ADAM10: variants seen among roughly 807,000 people sequenced by gnomAD.
ADAM10 encodes the protein disintegrin and metalloproteinase domain-containing protein 10.
ADAM10 carries 17 observed loss-of-function variants against 90.1 expected under a neutral mutation model. The observed-to-expected ratio is 0.19, with a 90% CI of 0.13 to 0.28. ADAM10 has a LOEUF of 0.28. Among genes scored for constraint, ADAM10 ranks in the 10% least tolerant of loss-of-function variants. The probability of loss-of-function intolerance (pLI) is 1.00; values close to 1 mark genes in which losing one functional copy is unlikely to be tolerated. For synonymous variants in ADAM10, 310 were observed against 298.6 expected, an observed-to-expected ratio of 1.04 and a Z score of -0.40; for missense variants, 610 against 914.3, an observed-to-expected ratio of 0.67 and a Z score of 4.29.
At chr15:58,689,444 C>T (rs535116246) in intron 2 of ADAM10, among the ~76,000 whole-genome samples, 1 of 152,246 alleles carries the variant, frequency 6.6e-6, no homozygotes, top group South Asian at 2.1e-4. Context: ...TGAGATCATG[C>T]CACTGCACTC....
intron 1 of ADAM10, among the ~76,000 whole-genome samples, chr15:58,740,393 C>A (rs959898487): frequency 6.7e-6 from 1 of 148,672 alleles, no homozygotes; most frequent in Admixed American, 6.7e-5. Context: ...TGGGCATCAG[C>A]GCGAGACTCT....
At chr15:58,702,105 CA>C (rs1196874797) in intron 2 of ADAM10, among the ~76,000 whole-genome samples, 2 of 150,212 alleles carry the variant, frequency 1.3e-5, no homozygotes, top group East Asian at 1.9e-4. Flanking sequence ...GATTCTGTCT[CA>C]AAAAAAAGAA....
In ADAM10 at chr15:58,610,073, A is replaced by C. The variant is rs1312504696; in HGVS notation, c.2025+224T>G. 9 of 569,926 alleles carry C rather than the reference A, an allele frequency of 1.6e-5. No homozygotes were observed. The East Asian group carries it at 2.7e-4, about 17-fold the overall frequency. 35.3% of individuals were successfully genotyped at this position (569,926 alleles called of 1,614,324 possible). A position where few individuals can be genotyped will look rare whatever the true frequency, so the allele number is the denominator to read the frequency against. ...TGAACTAAGGAGCACGGTAAAACAGAATGACTCCCATCACCTACTAAGCAA... is the reference window on the plus strand; with the variant it reads ...TGAACTAAGGAGCACGGTAAAACAGCATGACTCCCATCACCTACTAAGCAA... On this transcript the variant is annotated intron_variant, in intron 14 of 15. Coordinates refer to ENST00000260408, the MANE Select transcript of ADAM10 (RefSeq NM_001110.4).
rs1395491481 is a variant in ADAM10, at chr15:58,590,620, AAACT to A, written c.*6923_*6926del. The A allele has an allele frequency of 6.6e-6, 1 of 152,366 alleles. No homozygotes were observed. The highest frequency in any genetic ancestry group is 2.4e-5 in the African/African-American group (1 of 41,594). 9.4% of individuals were successfully genotyped at this position (152,366 alleles called of 1,614,324 possible). Reference sequence around the variant, plus strand: ...ACTAGCAGATACTTAAGAAAAATGAAAACTAACCACAATCACAAAACTAAATAAT... The same window carrying A: ...ACTAGCAGATACTTAAGAAAAATGAAAACCACAATCACAAAACTAAATAAT... On this transcript the variant is annotated 3_prime_UTR_variant, in exon 16 of 16. Coordinates refer to ENST00000260408, the MANE Select transcript of ADAM10 (RefSeq NM_001110.4).
intron 1 of ADAM10, among the ~76,000 whole-genome samples, chr15:58,725,620 G>A (rs752814596): frequency 6.6e-6 from 1 of 150,842 alleles, no homozygotes; most frequent in Middle Eastern, 3.2e-3. Flanking sequence ...TAAAAACTAG[G>A]GAGAAAAAAA....
At chr15:58,709,525 G>T (rs564744709) in intron 2 of ADAM10, among the ~76,000 whole-genome samples, 125 of 152,194 alleles carry the variant, frequency 8.2e-4, no homozygotes, top group African/African-American at 2.8e-3. Flanking sequence ...GATCATCTGA[G>T]GTCAGGAGTT....
chr15:58,677,275 G>C (rs1897320867), intron 4 of ADAM10, among the ~76,000 whole-genome samples: 1 of 151,974 alleles, frequency 6.6e-6, no homozygotes, highest in Non-Finnish European at 1.5e-5. Flanking sequence ...ATAATAAAAA[G>C]AATGTTAAAA....
chr15:58,618,655 A>C (rs573683108), intron 11 of ADAM10, among the ~76,000 whole-genome samples: 60 of 152,326 alleles, frequency 3.9e-4, no homozygotes, highest in African/African-American at 1.3e-3. Context: ...AACTCAACTC[A>C]ACAGCAAAAA....
chr15:58,703,172 T>C (rs1898178782), intron 2 of ADAM10, among the ~76,000 whole-genome samples: 1 of 151,900 alleles, frequency 6.6e-6, no homozygotes, highest in Non-Finnish European at 1.5e-5. Flanking sequence ...AATAAAAAGC[T>C]ATCTGAAAAC....
chr15:58,748,666 G>A (rs1181714907), intron 1 of ADAM10: 1 of 351,728 alleles, frequency 2.8e-6, no homozygotes, highest in Non-Finnish European at 5.1e-6. Context: ...GGTCACCCAG[G>A]GACCGAACTT....
intron 2 of ADAM10, among the ~76,000 whole-genome samples, chr15:58,684,697 T>C (rs533829991): frequency 2.0e-5 from 3 of 152,336 alleles, no homozygotes; most frequent in Non-Finnish European, 4.4e-5. Context: ...TAAACTGTTT[T>C]CCTGAGTTCT....
At chr15:58,653,124 T>C (rs1043348260) in intron 5 of ADAM10, among the ~76,000 whole-genome samples, 1 of 152,166 alleles carries the variant, frequency 6.6e-6, no homozygotes, top group African/African-American at 2.4e-5. Context: ...TGGTGGAGTC[T>C]ATGGGTTTTT....
chr15:58,679,505 A>G (rs1313616815), intron 3 of ADAM10, among the ~76,000 whole-genome samples: 3 of 152,236 alleles, frequency 2.0e-5, no homozygotes, highest in Non-Finnish European at 4.4e-5. Flanking sequence ...GTTAAAATAT[A>G]TACAATTACT....
chr15:58,686,171 G>A (rs1897596315), intron 2 of ADAM10, among the ~76,000 whole-genome samples: 1 of 152,146 alleles, frequency 6.6e-6, no homozygotes, highest in Non-Finnish European at 1.5e-5. Flanking sequence ...ACAAAGGTGG[G>A]CCCAAAAACA....
intron 2 of ADAM10, among the ~76,000 whole-genome samples, chr15:58,682,957 TA>T (rs1231665258): frequency 1.3e-5 from 2 of 152,120 alleles, no homozygotes; most frequent in Admixed American, 6.5e-5. Context: ...TAAAATTAAT[TA>T]AAGATATGAC....
At chr15:58,692,792 C>T in intron 2 of ADAM10, 2 of 625,180 alleles carry the variant, frequency 3.2e-6, no homozygotes, top group Non-Finnish European at 6.2e-6. Flanking sequence ...ACCAGGTAGG[C>T]AGAATAAAAG....
chr15:58,721,362 T>C (rs1181752726), intron 1 of ADAM10, among the ~76,000 whole-genome samples: 1 of 152,252 alleles, frequency 6.6e-6, no homozygotes, highest in East Asian at 1.9e-4. Context: ...TATCATCTTC[T>C]ATATAAGACC....
chr15:58,690,931 C>G (rs1897763173), intron 2 of ADAM10, among the ~76,000 whole-genome samples: 1 of 152,318 alleles, frequency 6.6e-6, no homozygotes. Context: ...AACAGCAGCA[C>G]CACCGGGTCA....
intron 10 of ADAM10, among the ~76,000 whole-genome samples, chr15:58,627,232 TA>T (rs1316777671): frequency 6.6e-6 from 1 of 152,106 alleles, no homozygotes; most frequent in Non-Finnish European, 1.5e-5. Flanking sequence ...TAGAGTGAAA[TA>T]AATCAGATAG....
Sources: gnomAD v4.1 joint callset for allele counts (sites outside exome capture counted in the v4.1 genomes callset) on GRCh38, gnomAD v4.1.1 for gene constraint, MANE v1.5 for transcripts, NCBI Gene and HGNC (gene_info 2026-07-23, HGNC 2026-07-21) for gene names.